The following ADCY4 variants were observed in gnomAD, a reference collection of about 807,000 sequenced individuals.
ADCY4 encodes the protein adenylate cyclase type 4.
ADCY4 carries 111 observed loss-of-function variants against 125.5 expected under a neutral mutation model. The ratio of observed to expected loss-of-function variants is 0.88; its 90% confidence interval spans 0.76 to 1.04. The LOEUF (loss-of-function observed/expected upper bound fraction) is 1.04, where lower values mean the gene tolerates loss of function less well. Among genes scored for constraint, ADCY4 ranks in the 50% least tolerant of loss-of-function variants. The probability of loss-of-function intolerance (pLI) is 0.00; values close to 1 mark genes in which losing one functional copy is unlikely to be tolerated. For synonymous variants in ADCY4, 576 were observed against 586.9 expected, an observed-to-expected ratio of 0.98 and a Z score of 0.27; for missense variants, 1,256 against 1,382.9, an observed-to-expected ratio of 0.91 and a Z score of 1.46.
At chr14:24,334,315 A>G (rs1318351391) in intron 1 of ADCY4, among the ~76,000 whole-genome samples, 179 bp downstream of exon 1, 1 of 152,190 alleles carries the variant, frequency 6.6e-6, no homozygotes, top group Non-Finnish European at 1.5e-5. Context: ...TTTCTCCCTG[A>G]GCAGACCCAG....
chr14:24,329,334 G>A (rs779646518), intron 9 of ADCY4, 67 bp downstream of exon 9: 2 of 1,563,390 alleles, frequency 1.3e-6, no homozygotes, highest in East Asian at 2.3e-5. Context: ...GCACAGAAGA[G>A]ATCAGGCCTG....
chr14:24,334,842 C>T lies in ADCY4; in HGVS notation c.-190G>A. On this transcript the variant is annotated 5_prime_UTR_variant, in exon 1 of 25. Coordinates refer to ENST00000418030, the MANE Select transcript of ADCY4 (RefSeq NM_001198568.2). The stretch of plus-strand genomic sequence containing the variant: ...GGCCTCCCAGCCCGCTCCCAGCTGG[C>T]GATGAGGGGATCCCTCAGTCCTTTC... The T allele has an allele frequency of 3.5e-6, 2 of 574,976 alleles. No individual in the cohort carries two copies. Among genetic ancestry groups the T allele is most frequent in the Non-Finnish European group, 3.1e-6 (1 of 326,868 alleles). 35.6% of individuals were successfully genotyped at this position (574,976 alleles called of 1,614,324 possible).
At position 24,332,525 on chromosome 14, in the gene ADCY4, C is replaced by A. The variant is rs1398903927; in HGVS notation, c.516G>T (p.Pro172=). 8.3e-6 allele frequency: 13 copies of A among 1,564,218 alleles called. No homozygotes were observed. In the Admixed American group the frequency reaches 9.6e-5, roughly 11 times the overall value. The change falls in exon 3 of 25, where the codon CCG becomes CCT. Residue 172 remains proline (P), a synonymous_variant. Coordinates refer to ENST00000418030, the MANE Select transcript of ADCY4 (RefSeq NM_001198568.2). ...CCTGTGCTACTTGCGTGCTCACCTGCGGCAGCAGTGCAGGCCGTGAGTCCG... is the reference window on the plus strand; with the variant it reads ...CCTGTGCTACTTGCGTGCTCACCTGAGGCAGCAGTGCAGGCCGTGAGTCCG... ...PQPDSRPALL[P]QLAANAVLFL... is the part of the protein sequence containing the mutation.
intron 18 of ADCY4, 54 bp downstream of exon 18, chr14:24,322,850 C>T: frequency 6.5e-7 from 1 of 1,547,012 alleles, no homozygotes; most frequent in Non-Finnish European, 8.7e-7. Context: ...CTGCTGTATC[C>T]CATCTCACCC....
intron 13 of ADCY4, 152 bp from the exon 14 acceptor site, chr14:24,325,626 C>T: frequency 1.1e-6 from 1 of 897,774 alleles, no homozygotes; most frequent in Admixed American, 2.4e-5. Context: ...CAAGGAGTTA[C>T]CCTCCTTCCT....
At chr14:24,326,614 T>C in intron 10 of ADCY4, 1 of 379,164 alleles carries the variant, frequency 2.6e-6, no homozygotes, top group South Asian at 3.2e-5. Context: ...TGTGTGTGTG[T>C]GACTGAATCT....
In ADCY4 at chr14:24,331,780, C is replaced by T. The variant is rs764342742; in HGVS notation, c.669+8G>A. On this transcript the variant is annotated splice_region_variant and intron_variant, in intron 4 of 24. Transcript: ENST00000418030. The stretch of plus-strand genomic sequence containing the variant: ...AGCGCTGCTCTGACCTTCCTAGGCC[C>T]GGCTGACCTGGTGCTTCTTCTCGGT... 74 of 1,571,782 alleles carry T rather than the reference C, an allele frequency of 4.7e-5. No individual in the cohort carries two copies. The East Asian group carries it at 1.4e-3, about 30-fold the overall frequency.
At chr14:24,324,489 T>C in intron 14 of ADCY4, 98 bp from the exon 15 acceptor site, 7 of 1,390,346 alleles carry the variant, frequency 5.0e-6, no homozygotes, top group Non-Finnish European at 7.0e-6. Context: ...GGGGAAGTGG[T>C]TCTGGGGAAT....
At chr14:24,326,911 T>TTTTTTTC (rs2041956381) in intron 10 of ADCY4, among the ~76,000 whole-genome samples, 1 of 148,924 alleles carries the variant, frequency 6.7e-6, no homozygotes, top group Non-Finnish European at 1.5e-5. Flanking sequence ...TTTTTTTTTT[T>TTTTTTTC]TTGCAACGGA....
rs1417363358 is a variant in ADCY4, at chr14:24,330,163, C to G, written c.1058+5G>C. On this transcript the variant is annotated splice_donor_5th_base_variant and intron_variant, in intron 7 of 24. Transcript: ENST00000418030. ...GCATTCCTCTTGACCACCGCCTGAGCTGACCTGATGGCCCGGCACATGTCC... is the reference window on the plus strand; with the variant it reads ...GCATTCCTCTTGACCACCGCCTGAGGTGACCTGATGGCCCGGCACATGTCC... 11 of 1,613,218 alleles carry G rather than the reference C, an allele frequency of 6.8e-6. No individual in the cohort carries two copies. In the African/African-American group the frequency reaches 1.2e-4, roughly 18 times the overall value.
chr14:24,325,708 A>T, intron 13 of ADCY4, 110 bp downstream of exon 13: 2 of 1,297,148 alleles, frequency 1.5e-6, no homozygotes, highest in Non-Finnish European at 2.2e-6. Flanking sequence ...CCTCACCCCT[A>T]GGATCACAAA....
At chr14:24,329,819 G>T (rs1333068507) in intron 8 of ADCY4, 41 bp downstream of exon 8, 1 of 1,594,496 alleles carries the variant, frequency 6.3e-7, no homozygotes, top group Non-Finnish European at 8.6e-7. Flanking sequence ...GGTAGGCCTG[G>T]TTGGCCTTCT....
At chr14:24,331,469 T>A in intron 4 of ADCY4, 113 bp from the exon 5 acceptor site, 1 of 1,416,298 alleles carries the variant, frequency 7.1e-7, no homozygotes, top group Non-Finnish European at 9.5e-7. Context: ...CCCAGGGTGC[T>A]CCCCCAGGTC....
rs1317684411 is a variant in ADCY4 at position 24,329,925 on chromosome 14, C to T, written c.1152G>A (p.Trp384Ter). The change falls in exon 8 of 25, where the codon TGG becomes TGA. Residue 384 changes from tryptophan to a stop codon, truncating the protein, a stop_gained. Transcript: ENST00000418030. LOFTEE classifies it high-confidence loss of function. ...CATCATGTGACCAAACGTCGTACTG[C>T]CACTTCTGCAGCCCGATGACTCCAC... is the stretch of plus-strand genomic sequence containing the variant. ...VLCGVIGLQK[W>*]QYDVWSHDVT... is the part of the protein sequence containing the mutation. The T allele has an allele frequency of 6.2e-7, 1 of 1,614,130 alleles. No individual in the cohort carries two copies. Among genetic ancestry groups the T allele is most frequent in the South Asian group, 1.1e-5 (1 of 91,080 alleles).
intron 4 of ADCY4, 169 bp downstream of exon 4, chr14:24,331,619 G>C (rs548564570): frequency 2.2e-4 from 250 of 1,121,556 alleles, no homozygotes; most frequent in Non-Finnish European, 2.9e-4. Flanking sequence ...GCTTTGGTTT[G>C]TTTGAGCCTC....
chr14:24,322,061 G>A lies in ADCY4; in HGVS notation c.2586+5C>T, dbSNP rs1462647397. On this transcript the variant is annotated splice_donor_5th_base_variant and intron_variant, in intron 20 of 24. Coordinates refer to ENST00000418030, the MANE Select transcript of ADCY4 (RefSeq NM_001198568.2). ...TGGCTCAGGAGTCAGGGGGTCAGGA[G>A]TCACCTCGTTGCGCCGGTTCTGGCC... 6.2e-7 allele frequency: 1 copy of A among 1,609,646 alleles called. No homozygotes were observed. Among genetic ancestry groups the A allele is most frequent in the South Asian group, 1.1e-5 (1 of 90,810 alleles).
chr14:24,325,622 G>A (rs1050944899), intron 13 of ADCY4, 148 bp from the exon 14 acceptor site: 1 of 908,804 alleles, frequency 1.1e-6, no homozygotes, highest in East Asian at 2.7e-5. Flanking sequence ...TCTCCAAGGA[G>A]TTACCCTCCT....
intron 16 of ADCY4, 122 bp downstream of exon 16, chr14:24,323,940 C>T: frequency 2.2e-6 from 3 of 1,377,790 alleles, no homozygotes; most frequent in African/African-American, 1.5e-5. Flanking sequence ...TCTATTTGTA[C>T]AACATTTCCA....
Position 24,332,955 on chromosome 14 carries a change from C to A in ADCY4, c.193G>T (p.Val65Leu). The change falls in exon 2 of 25, where the codon GTG (valine) becomes TTG (leucine). Residue 65 changes from valine to leucine, a missense_variant. Coordinates refer to ENST00000418030, the MANE Select transcript of ADCY4 (RefSeq NM_001198568.2). The part of the protein sequence containing the change: ...LTSDPSFLTT[V>L]LCALGGFSLL... ...GAGAAGCCGCCCAGCGCGCACAGCACAGTGGTCAGGAAGCTCGGGTCTGAG... is the reference window on the plus strand; with the variant it reads ...GAGAAGCCGCCCAGCGCGCACAGCAAAGTGGTCAGGAAGCTCGGGTCTGAG... The A allele has an allele frequency of 6.4e-7, 1 of 1,571,482 alleles. No homozygotes were observed. Among genetic ancestry groups the A allele is most frequent in the Non-Finnish European group, 8.7e-7 (1 of 1,155,662 alleles).
Sources: allele counts gnomAD v4.1 joint callset (sites outside exome capture counted in the v4.1 genomes callset), GRCh38; gene constraint gnomAD v4.1.1; transcripts MANE v1.5; gene names NCBI Gene and HGNC (gene_info 2026-07-23, HGNC 2026-07-21).